Variants in DENND2B observed in about 807,000 individuals in gnomAD.
DENND2B encodes the protein DENN domain containing 2B.
DENND2B carries 32 observed loss-of-function variants against 116.0 expected under a neutral mutation model. The ratio of observed to expected loss-of-function variants is 0.28; its 90% CI spans 0.21 to 0.37. The LOEUF (loss-of-function observed/expected upper bound fraction) is 0.37, where lower values mean the gene tolerates loss of function less well. DENND2B is among the 10% of genes least tolerant of loss of function. DENND2B has a pLI of 1.00. For missense variants in DENND2B, 1,276 were observed against 1,477.7 expected (o/e 0.86, Z 2.24); for synonymous variants, 588 against 583.9 (o/e 1.01, Z -0.10).
chr11:8,782,808 A>T (rs1288082213), intron 1 of DENND2B, among the ~76,000 whole-genome samples: 1 of 147,816 alleles, frequency 6.8e-6, no homozygotes, highest in Admixed American at 6.9e-5. Context: ...AATGGCATGA[A>T]CCCAGGAAGC....
chr11:8,818,284 T>C (rs996676064), intron 4 of DENND2B, among the ~76,000 whole-genome samples: 5 of 150,178 alleles, frequency 3.3e-5, no homozygotes, highest in African/African-American at 1.2e-4. Context: ...ATAATAATAA[T>C]AGGCTTTCCA....
At chr11:8,739,251 TGC>T (rs1160260851) in intron 2 of DENND2B, among the ~76,000 whole-genome samples, 11 of 152,202 alleles carry the variant, frequency 7.2e-5, no homozygotes, top group Non-Finnish European at 1.2e-4. Flanking sequence ...AAGCACTCGG[TGC>T]AGCCCAGTAT....
chr11:8,726,220 C>T lies in DENND2B; in HGVS notation c.1341-11G>A, dbSNP rs1300473310. The T allele has an allele frequency of 1.9e-6, 3 of 1,599,830 alleles. No homozygotes were observed. Among genetic ancestry groups the T allele is most frequent in the Non-Finnish European group, 2.6e-6 (3 of 1,173,106 alleles). ...AACTCAAAGGATTTTCTGTGGATAA[C>T]AAGAGCAAGAGTCATTCCTGCTGAA... On this transcript the variant is annotated splice_polypyrimidine_tract_variant and intron_variant, in intron 3 of 19. Transcript: ENST00000313726.
chr11:8,755,828 T>C lies in DENND2B; in HGVS notation c.-25-5103A>G, dbSNP rs185740629. Among the ~76,000 whole-genome samples the C allele has an allele frequency of 2.2e-3, 336 of 152,300 alleles. 1 individual carries two copies. Among genetic ancestry groups the C allele is most frequent in the African/African-American group, 7.9e-3 (328 of 41,572 alleles). Reference sequence around the variant, plus strand: ...TATATTAATAGCATAACATTAGTGATGGTGATGATGATGATGATGATAAAG... The same window carrying C: ...TATATTAATAGCATAACATTAGTGACGGTGATGATGATGATGATGATAAAG... On this transcript the variant is annotated intron_variant, in intron 1 of 19. Transcript: ENST00000313726.
chr11:8,847,138 G>C (rs893758346), intron 3 of DENND2B, among the ~76,000 whole-genome samples: 11 of 152,212 alleles, frequency 7.2e-5, no homozygotes, highest in African/African-American at 2.7e-4. Flanking sequence ...CAGTCATTCA[G>C]CTGCTGCTCT....
At chr11:8,841,178 C>T (rs1200786928) in intron 3 of DENND2B, among the ~76,000 whole-genome samples, 1 of 152,030 alleles carries the variant, frequency 6.6e-6, no homozygotes, top group Non-Finnish European at 1.5e-5. Flanking sequence ...ATTTTCTTGA[C>T]TTGTTTTTAA....
At chr11:8,708,132 G>C (rs1032394521) in intron 11 of DENND2B, 10 of 1,362,922 alleles carry the variant, frequency 7.3e-6, no homozygotes, top group Non-Finnish European at 9.5e-6. Context: ...GACGCTGACG[G>C]GGGCTGGCAA....
At chr11:8,887,531 T>C (rs937900737) in intron 1 of DENND2B, among the ~76,000 whole-genome samples, 1 of 152,252 alleles carries the variant, frequency 6.6e-6, no homozygotes, top group African/African-American at 2.4e-5. Context: ...TAACTGATAA[T>C]ATCTACTGTC....
In DENND2B at chr11:8,711,582, G is replaced by A. The variant is rs2133798923; in HGVS notation, c.2173-351C>T. On this transcript the variant is annotated intron_variant, in intron 9 of 19. Coordinates refer to ENST00000313726, the MANE Select transcript of DENND2B (RefSeq NM_213618.2). ...CGGGGCTTAAAAAAAAAATAAGCAGGGTGGCCGGGCGCGGTGGTTCATGCC... is the reference window on the plus strand; with the variant it reads ...CGGGGCTTAAAAAAAAAATAAGCAGAGTGGCCGGGCGCGGTGGTTCATGCC... Among the ~76,000 whole-genome samples, 2 of 152,032 alleles carry A rather than the reference G, an allele frequency of 1.3e-5. 1 individual carries two copies. Among genetic ancestry groups the A allele is most frequent in the South Asian group, 4.2e-4 (2 of 4,816 alleles).
At chr11:8,814,081 T>C (rs1367433247), upstream of DENND2B, among the ~76,000 whole-genome samples, 1 of 152,150 alleles carries the variant, frequency 6.6e-6, no homozygotes, top group Non-Finnish European at 1.5e-5. Context: ...TCTCCCTTCT[T>C]ATTTCTGCCC....
chr11:8,809,139 G>A (rs2061150790), intron 1 of DENND2B: 1 of 152,224 alleles, frequency 6.6e-6, no homozygotes, highest in African/African-American at 2.4e-5. Flanking sequence ...TGTAGCAAGA[G>A]GAATAACTTC....
At chr11:8,779,851 C>A (rs2058196871) in intron 1 of DENND2B, among the ~76,000 whole-genome samples, 1 of 152,186 alleles carries the variant, frequency 6.6e-6, no homozygotes, top group Non-Finnish European at 1.5e-5. Flanking sequence ...AAAATCCTCT[C>A]CCTTGCATGT....
chr11:8,823,404 T>TA (rs1566018916), intron 4 of DENND2B, among the ~76,000 whole-genome samples: 1 of 152,198 alleles, frequency 6.6e-6, no homozygotes, highest in Non-Finnish European at 1.5e-5. Context: ...CATCTGTTTT[T>TA]ATCACATTTA....
intron 2 of DENND2B, among the ~76,000 whole-genome samples, chr11:8,866,748 C>G (rs2063594701): frequency 6.6e-6 from 1 of 152,238 alleles, no homozygotes; most frequent in African/African-American, 2.4e-5. Context: ...AATGGCAAAG[C>G]TGGAACTTTA....
At chr11:8,711,595 G>A (rs1398866222) in intron 9 of DENND2B, among the ~76,000 whole-genome samples, 11 of 152,038 alleles carry the variant, frequency 7.2e-5, no homozygotes, top group Non-Finnish European at 1.5e-4. Flanking sequence ...GGCCGGGCGC[G>A]GTGGTTCATG....
intron 2 of DENND2B, among the ~76,000 whole-genome samples, chr11:8,880,345 CTGTGTG>C (rs56051922): frequency 1.7e-4 from 21 of 120,650 alleles, no homozygotes; most frequent in East Asian, 1.7e-3. Context: ...TCACTTTGAA[CTGTGTG>C]TGTGTGTGTG....
rs771479322 is a variant in DENND2B, at chr11:8,730,225, T to C, written c.1065A>G (p.Glu355=). The change falls in exon 3 of 20, where the codon GAA becomes GAG. Residue 355 remains glutamate, a synonymous_variant. Coordinates refer to ENST00000313726, the MANE Select transcript of DENND2B (RefSeq NM_213618.2). This position sits in a 1 kb window ranked among gnomAD's most constrained non-coding sequence, Gnocchi z 4.1. ...AGEAGPPPER[E]GSGSTKPGTP... ...TCCCGGGCTTAGTGGAACCACTGCC[T>C]TCCCTCTCTGGGGGTGGGCCCGCCT... The C allele has an allele frequency of 6.2e-7, 1 of 1,612,994 alleles. No individual in the cohort carries two copies. The highest frequency in any genetic ancestry group is 1.7e-5 in the Admixed American group (1 of 59,958).
chr11:8,739,830 GAC>G (rs780622651), intron 2 of DENND2B, among the ~76,000 whole-genome samples: 14 of 152,174 alleles, frequency 9.2e-5, no homozygotes, highest in Non-Finnish European at 1.5e-4. Context: ...AAATATGTAA[GAC>G]ACATAATTAG....
rs921457588 is a variant in DENND2B at position 8,712,994 on chromosome 11, G to A, written c.1988-259C>T. Among the ~76,000 whole-genome samples, 5 of 152,126 alleles carry A rather than the reference G, an allele frequency of 3.3e-5. No homozygotes were observed. Among genetic ancestry groups the A allele is most frequent in the Non-Finnish European group, 5.9e-5 (4 of 68,018 alleles). ...ACTGAGCTGGGGCAGGAGGACTGCCGAGGCCAGGCAAACCCAGGGATGTAT... is the reference window on the plus strand; with the variant it reads ...ACTGAGCTGGGGCAGGAGGACTGCCAAGGCCAGGCAAACCCAGGGATGTAT... On this transcript the variant is annotated intron_variant, in intron 8 of 19. Transcript: ENST00000313726. The surrounding 1 kb of genome is among the most constrained non-coding windows in gnomAD (Gnocchi z 4.4).
Sources: gnomAD v4.1 joint callset for allele counts (sites outside exome capture counted in the v4.1 genomes callset) on GRCh38, gnomAD v4.1.1 for gene constraint, Gnocchi (gnomAD v3.1) non-coding constraint, MANE v1.5 for transcripts, NCBI Gene and HGNC (gene_info 2026-07-23, HGNC 2026-07-21) for gene names.